The following SLC12A8 variants were observed in gnomAD, a reference collection of about 807,000 sequenced individuals.
The protein encoded by SLC12A8 is solute carrier family 12 member 8, also known as cation-chloride cotransporter 9.
Under a neutral mutation model 75.6 loss-of-function variants are expected in SLC12A8, and 69 were observed. The observed-to-expected ratio is 0.91, with a 90% CI of 0.75 to 1.11. SLC12A8 has a LOEUF of 1.11. Ranked by LOEUF, SLC12A8 falls within the 50% of genes most tolerant of loss-of-function variation. SLC12A8 has a pLI of 0.00. For missense variants in SLC12A8, 877 were observed against 896.7 expected (o/e 0.98, Z 0.28); for synonymous variants, 365 against 372.8 (o/e 0.98, Z 0.24).
chr3:125,197,424 T>C (rs1052195993), intron 2 of SLC12A8, among the ~76,000 whole-genome samples: 1 of 152,126 alleles, frequency 6.6e-6, no homozygotes, highest in African/African-American at 2.4e-5. Flanking sequence ...CCTGAGTATC[T>C]GGGATTACAG....
intron 5 of SLC12A8, among the ~76,000 whole-genome samples, chr3:125,170,581 T>C (rs138036207): frequency 6.6e-6 from 1 of 152,352 alleles, no homozygotes; most frequent in East Asian, 1.9e-4. Context: ...TGTGTGTTTA[T>C]GTACATGCAC....
At chr3:125,109,982 A>T (rs567601826) in intron 9 of SLC12A8, among the ~76,000 whole-genome samples, 2 of 152,270 alleles carry the variant, frequency 1.3e-5, no homozygotes, top group Non-Finnish European at 1.5e-5. Context: ...TGGCTGGGAC[A>T]TTTAAGATGC....
At chr3:125,166,123 G>A (rs73859138) in intron 5 of SLC12A8, among the ~76,000 whole-genome samples, 9,800 of 152,024 alleles carry the variant, frequency 0.064, 1,054 homozygotes, top group African/African-American at 0.22. Context: ...ATGCTGCGGG[G>A]CGCTTTACCC....
chr3:125,137,263 G>A (rs1022270677), intron 5 of SLC12A8, among the ~76,000 whole-genome samples: 1 of 152,156 alleles, frequency 6.6e-6, no homozygotes, highest in Non-Finnish European at 1.5e-5. Context: ...AAATCTCAGG[G>A]AAGCACAAGG....
chr3:125,212,260 G>T, intron 1 of SLC12A8, among the ~76,000 whole-genome samples: 1 of 152,088 alleles, frequency 6.6e-6, no homozygotes, highest in African/African-American at 2.4e-5. Context: ...AAGGCTGGGG[G>T]ACTTGGTGGG....
At chr3:125,204,940 A>G (rs1387818138) in intron 2 of SLC12A8, among the ~76,000 whole-genome samples, 2 of 152,196 alleles carry the variant, frequency 1.3e-5, no homozygotes, top group South Asian at 2.1e-4. Context: ...ATTCTCAGAG[A>G]GAGCAAAAGG....
At chr3:125,191,350 G>T (rs187862868) in intron 2 of SLC12A8, among the ~76,000 whole-genome samples, 24 of 152,298 alleles carry the variant, frequency 1.6e-4, no homozygotes, top group African/African-American at 5.8e-4. Flanking sequence ...ATACTAAAAT[G>T]ATCTTAAACA....
At chr3:125,096,762 T>G (rs953097603) in intron 10 of SLC12A8, among the ~76,000 whole-genome samples, 1 of 152,202 alleles carries the variant, frequency 6.6e-6, no homozygotes, top group Non-Finnish European at 1.5e-5. Context: ...TCTATTACTT[T>G]TCAAAAAATA....
intron 11 of SLC12A8, 71 bp downstream of exon 11, chr3:125,092,030 G>T: frequency 9.1e-7 from 1 of 1,099,066 alleles, no homozygotes; most frequent in Non-Finnish European, 1.4e-6. Context: ...CTCCCCCACA[G>T]CCCAAGATCA....
At chr3:125,191,016 AG>A (rs1324286237) in intron 2 of SLC12A8, among the ~76,000 whole-genome samples, 2 of 152,206 alleles carry the variant, frequency 1.3e-5, no homozygotes, top group Admixed American at 6.5e-5. Flanking sequence ...CAGGGACAGC[AG>A]CTTCCGGCAG....
At chr3:125,111,279 A>G (rs1006062798) in intron 8 of SLC12A8, among the ~76,000 whole-genome samples, 2 of 152,176 alleles carry the variant, frequency 1.3e-5, no homozygotes, top group Non-Finnish European at 2.9e-5. Context: ...CAACAGATAG[A>G]ATAAGAGGGC....
intron 5 of SLC12A8, among the ~76,000 whole-genome samples, chr3:125,142,731 C>T (rs1345020447): frequency 2.6e-5 from 4 of 152,246 alleles, no homozygotes; most frequent in African/African-American, 9.6e-5. Context: ...ATGCCACGCT[C>T]CTGCCTGCAG....
chr3:125,211,536 A>T (rs1351158093), intron 1 of SLC12A8, 142 bp from the exon 2 acceptor site: 14 of 631,958 alleles, frequency 2.2e-5, no homozygotes, highest in South Asian at 2.0e-4. Context: ...TCATCTGGAA[A>T]CTTGGCCGGG....
At chr3:125,160,940 T>C (rs1934155000) in intron 5 of SLC12A8, among the ~76,000 whole-genome samples, 1 of 152,202 alleles carries the variant, frequency 6.6e-6, no homozygotes, top group African/African-American at 2.4e-5. Context: ...CTCATCCAGA[T>C]TCCACATGCC....
intron 5 of SLC12A8, 99 bp downstream of exon 5, chr3:125,177,644 G>A: frequency 1.1e-6 from 1 of 902,082 alleles, no homozygotes; most frequent in Non-Finnish European, 1.7e-6. Context: ...TAAAGCCTAT[G>A]GGGGTTAGGG....
At chr3:125,126,453 G>A (rs775611409) in intron 6 of SLC12A8, among the ~76,000 whole-genome samples, 3 of 152,202 alleles carry the variant, frequency 2.0e-5, no homozygotes, top group East Asian at 1.9e-4. Context: ...CAGTGTAAAT[G>A]TCAATGACCA....
rs375379599 is a variant in SLC12A8, at chr3:125,091,545, G to A, written c.1815C>T (p.Ser605=). 5.0e-6 allele frequency: 8 copies of A among 1,611,932 alleles called. No individual in the cohort carries two copies. In the African/African-American group the frequency reaches 1.1e-4, roughly 22 times the overall value. ...ACTGTATCACAAACATGATGAGAAG[G>A]GACCCAACAGCCTGTGAAAACAGAG... ...PWVSLLGAVG[S]LLIMFVIQWV... The change falls in exon 12 of 14, where the codon TCC becomes TCT. Residue 605 remains serine, a synonymous_variant. Transcript: ENST00000469902.
At chr3:125,175,281 T>C (rs1206905201) in intron 5 of SLC12A8, among the ~76,000 whole-genome samples, 1 of 152,172 alleles carries the variant, frequency 6.6e-6, no homozygotes, top group African/African-American at 2.4e-5. Flanking sequence ...TTTTTAAGAG[T>C]TGAAATCACT....
intron 5 of SLC12A8, among the ~76,000 whole-genome samples, chr3:125,172,918 C>T (rs140711336): frequency 1.3e-5 from 2 of 152,314 alleles, no homozygotes; most frequent in African/African-American, 4.8e-5. Flanking sequence ...GTGGCTCACA[C>T]CTGTAATCAC....
Sources: gnomAD v4.1 joint callset for allele counts (sites outside exome capture counted in the v4.1 genomes callset) on GRCh38, gnomAD v4.1.1 for gene constraint, MANE v1.5 for transcripts, NCBI Gene and HGNC (gene_info 2026-07-23, HGNC 2026-07-21) for gene names.